Variants in NMNAT2 observed in about 807,000 individuals in gnomAD.
NMNAT2 encodes the protein nicotinamide/nicotinic acid mononucleotide adenylyltransferase 2.
NMNAT2 carries 11 observed loss-of-function variants against 41.6 expected under a neutral mutation model. The ratio of observed to expected loss-of-function variants is 0.26; its 90% CI spans 0.17 to 0.44. The LOEUF is 0.44. Among genes scored for constraint, NMNAT2 ranks in the 20% least tolerant of loss-of-function variants. NMNAT2 has a pLI of 1.00. For missense variants in NMNAT2, 288 were observed against 407.7 expected, an observed-to-expected ratio of 0.71 and a Z score of 2.53; for synonymous variants, 148 against 151.2, an observed-to-expected ratio of 0.98 and a Z score of 0.16.
chr1:183,292,674 C>A, intron 3 of NMNAT2, 116 bp downstream of exon 3: 1 of 909,146 alleles, frequency 1.1e-6, no homozygotes. Flanking sequence ...AATATCTTGC[C>A]CCTGCCTCCC....
intron 1 of NMNAT2, among the ~76,000 whole-genome samples, chr1:183,343,463 A>T (rs929758074): frequency 2.0e-5 from 3 of 152,110 alleles, no homozygotes; most frequent in Non-Finnish European, 4.4e-5. Context: ...ACTTGATTAA[A>T]TTTTTCCACA....
At chr1:183,293,106 C>T (rs1212785305) in intron 2 of NMNAT2, among the ~76,000 whole-genome samples, 1 of 152,174 alleles carries the variant, frequency 6.6e-6, no homozygotes, top group African/African-American at 2.4e-5. Flanking sequence ...CCTCCATTTG[C>T]GAAGCAGCCC....
intron 1 of NMNAT2, among the ~76,000 whole-genome samples, chr1:183,415,722 T>C (rs983277824): frequency 1.3e-5 from 2 of 152,220 alleles, no homozygotes; most frequent in African/African-American, 4.8e-5. Flanking sequence ...ATAGATGAAA[T>C]GGCTTTGTTA....
At chr1:183,280,318 C>T (rs1661227182) in intron 7 of NMNAT2, among the ~76,000 whole-genome samples, 1 of 152,196 alleles carries the variant, frequency 6.6e-6, no homozygotes, top group Non-Finnish European at 1.5e-5. Context: ...TTGTCCAACC[C>T]AAGGCACATA....
chr1:183,285,210 T>G (rs1320511076), intron 5 of NMNAT2, among the ~76,000 whole-genome samples: 1 of 152,210 alleles, frequency 6.6e-6, no homozygotes, highest in Non-Finnish European at 1.5e-5. Flanking sequence ...CTACATAAAG[T>G]GGATCAGATT....
chr1:183,286,752 G>T lies in NMNAT2; in HGVS notation c.358C>A (p.Pro120Thr). The change falls in exon 5 of 11, where the codon CCT (proline) becomes ACT (threonine). Residue 120 changes from proline to threonine, a missense_variant. By Grantham distance (38) the Pro-to-Thr change is conservative. Around this residue, in one of 3 missense-constraint regions of NMNAT2, gnomAD observed 100 missense variants for 168.5 expected, o/e 0.59. Transcript: ENST00000287713. ...TGTCCGATCACAGGTGTCATGGAAG[G>T]TGTGTTGACATTGGAGAGGATGCAG... ...TGCILSNVNT[P>T]SMTPVIGQPQ... The T allele has an allele frequency of 6.2e-7, 1 of 1,611,518 alleles. No homozygotes were observed. Among genetic ancestry groups the T allele is most frequent in the Non-Finnish European group, 8.5e-7 (1 of 1,178,910 alleles).
At chr1:183,292,050 T>C (rs1412072768) in intron 3 of NMNAT2, among the ~76,000 whole-genome samples, 4 of 152,238 alleles carry the variant, frequency 2.6e-5, no homozygotes, top group Non-Finnish European at 4.4e-5. Flanking sequence ...GCCCCTTTCA[T>C]GGAAACCTCT....
At chr1:183,395,231 C>G (rs1410464120) in intron 1 of NMNAT2, among the ~76,000 whole-genome samples, 1 of 151,990 alleles carries the variant, frequency 6.6e-6, no homozygotes. Flanking sequence ...TACATCTGAC[C>G]AGAGTTTAAC....
chr1:183,377,745 GA>G (rs2101914140), intron 1 of NMNAT2, among the ~76,000 whole-genome samples: 1 of 152,276 alleles, frequency 6.6e-6, no homozygotes, highest in Non-Finnish European at 1.5e-5. Context: ...AAAAGGCAAA[GA>G]AAAACGAAGT....
intron 1 of NMNAT2, among the ~76,000 whole-genome samples, chr1:183,392,078 T>A (rs1324323215): frequency 6.6e-6 from 1 of 152,182 alleles, no homozygotes; most frequent in Non-Finnish European, 1.5e-5. Context: ...TATTTACTAT[T>A]TATATATTTT....
At chr1:183,364,688 T>G (rs1345072676) in intron 1 of NMNAT2, among the ~76,000 whole-genome samples, 1 of 151,846 alleles carries the variant, frequency 6.6e-6, no homozygotes, top group Non-Finnish European at 1.5e-5. Flanking sequence ...TCTTTCTTTT[T>G]TTGTTGTTGT....
chr1:183,252,330 G>A lies in NMNAT2; in HGVS notation c.*311C>T, dbSNP rs1361649295. 4 of 332,486 alleles carry A rather than the reference G, an allele frequency of 1.2e-5. No homozygotes were observed. Among genetic ancestry groups the A allele is most frequent in the East Asian group, 7.0e-5 (1 of 14,324 alleles). The allele number at this position is 332,486 out of a possible 1,614,324, so 20.6% of individuals were successfully genotyped here. ...TCCCCAGAGCGTGCTGGGAGGATGG[G>A]CACCAGAGCCGCCTCTCTAGAGCAT... is the stretch of plus-strand genomic sequence containing the variant. On this transcript the variant is annotated 3_prime_UTR_variant, in exon 11 of 11. Transcript: ENST00000287713.
intron 1 of NMNAT2, among the ~76,000 whole-genome samples, chr1:183,305,278 A>G (rs1661968803): frequency 6.6e-6 from 1 of 152,096 alleles, no homozygotes; most frequent in South Asian, 2.1e-4. Context: ...AGACTGTGGT[A>G]CTAAATATAG....
chr1:183,354,409 C>CTTTTTTTTTT (rs67663742), intron 1 of NMNAT2, among the ~76,000 whole-genome samples: 1 of 89,660 alleles, frequency 1.1e-5, no homozygotes, highest in African/African-American at 4.5e-5. Context: ...TCTTTAATGT[C>CTTTTTTTTTT]TTTTTTTTTT....
chr1:183,378,069 C>T (rs1210079509), intron 1 of NMNAT2, among the ~76,000 whole-genome samples: 1 of 152,022 alleles, frequency 6.6e-6, no homozygotes, highest in Non-Finnish European at 1.5e-5. Flanking sequence ...AAAATTGAAA[C>T]ACAATTTATA....
rs1428100639 is a variant in NMNAT2, at chr1:183,404,602, TC to T, written c.85+13580del. 2.6e-5 allele frequency among the ~76,000 whole-genome samples: 4 copies of T among 152,252 alleles called. No homozygotes were observed. In the South Asian group the frequency reaches 6.2e-4, roughly 24 times the overall value. ...GGGAAAGAGAACTGAATGCTCCATT[TC>T]AGAGGAAGAATGGCCCATTGTGTCC... On this transcript the variant is annotated intron_variant, in intron 1 of 10. Transcript: ENST00000287713.
chr1:183,398,635 T>C (rs990745237), intron 1 of NMNAT2, among the ~76,000 whole-genome samples: 16 of 152,182 alleles, frequency 1.1e-4, no homozygotes, highest in Non-Finnish European at 1.8e-4. Flanking sequence ...ATCACACGTA[T>C]TCCAAAATTG....
Position 183,364,865 on chromosome 1 carries a change from G to C in NMNAT2, c.85+53318C>G, listed in dbSNP as rs763693809. On this transcript the variant is annotated intron_variant, in intron 1 of 10. Transcript: ENST00000287713. The stretch of plus-strand genomic sequence containing the variant: ...CACCACCACATCCGGCTAATTTTTT[G>C]TGTTTTTAGTAGAGACAGGGTTTCA... Among the ~76,000 whole-genome samples, 5 of 152,066 alleles carry C rather than the reference G, an allele frequency of 3.3e-5. No individual in the cohort carries two copies. The South Asian group carries it at 1.0e-3, about 32-fold the overall frequency.
chr1:183,365,103 T>G (rs1233242980), intron 1 of NMNAT2, among the ~76,000 whole-genome samples: 1 of 152,212 alleles, frequency 6.6e-6, no homozygotes, highest in East Asian at 1.9e-4. Flanking sequence ...TGACAGCCTA[T>G]GAATCAGAGT....
Sources: gnomAD v4.1 joint callset for allele counts (sites outside exome capture counted in the v4.1 genomes callset) on GRCh38, gnomAD v4.1.1 for gene constraint, gnomAD v4.1.1 regional missense constraint, MANE v1.5 for transcripts, NCBI Gene and HGNC (gene_info 2026-07-23, HGNC 2026-07-21) for gene names.